The following CNKSR3 variants were observed in gnomAD, a reference collection of about 807,000 sequenced individuals.
The protein encoded by CNKSR3 is connector enhancer of kinase suppressor of ras 3.
Under a neutral mutation model 67.7 loss-of-function variants are expected in CNKSR3, and 36 were observed. The observed-to-expected ratio is 0.53, with a 90% confidence interval of 0.41 to 0.70. The LOEUF (loss-of-function observed/expected upper bound fraction) is 0.70, where lower values mean the gene tolerates loss of function less well. CNKSR3 is among the 30% of genes least tolerant of loss of function. The probability of loss-of-function intolerance (pLI) is 0.00; values close to 1 mark genes in which losing one functional copy is unlikely to be tolerated. For missense variants in CNKSR3, 630 were observed against 695.2 expected (o/e 0.91, Z 1.05); for synonymous variants, 281 against 271.4 (o/e 1.04, Z -0.35).
intron 1 of CNKSR3, among the ~76,000 whole-genome samples, chr6:154,506,936 G>A (rs73790806): frequency 1.1e-3 from 175 of 152,308 alleles, no homozygotes; most frequent in African/African-American, 4.0e-3. Flanking sequence ...AAAGATTGTC[G>A]GTGTGGTCTA....
intron 1 of CNKSR3, among the ~76,000 whole-genome samples, chr6:154,470,307 C>G (rs1337787855): frequency 2.1e-5 from 3 of 144,184 alleles, no homozygotes; most frequent in Non-Finnish European, 4.5e-5. Flanking sequence ...TTCAAGCAAT[C>G]CTCCCACCTT....
At chr6:154,456,223 G>C (rs1785951002) in intron 1 of CNKSR3, among the ~76,000 whole-genome samples, 1 of 152,146 alleles carries the variant, frequency 6.6e-6, no homozygotes, top group East Asian at 1.9e-4. Context: ...CAGGAGCCCA[G>C]AGTGGTTCTT....
Position 154,410,382 on chromosome 6 carries a change from C to T in CNKSR3, c.1330G>A (p.Val444Met), listed in dbSNP as rs1288917959. ...MPADGNWMGI[V>M]DPFARPRGHG... is the part of the protein sequence containing the mutation. ...CCTCGAGGTCTGGCAAAAGGGTCCA[C>T]AATCCCCATCCAGTTCCCATCAGCA... Residue 444 changes from valine (V) to methionine (M), a missense_variant, in exon 12 of 13, where the codon GTG (valine) becomes ATG (methionine). Coordinates refer to ENST00000607772, the MANE Select transcript of CNKSR3 (RefSeq NM_173515.4). 4 of 1,614,166 alleles carry T rather than the reference C, an allele frequency of 2.5e-6. No individual in the cohort carries two copies. Among genetic ancestry groups the T allele is most frequent in the Non-Finnish European group, 2.5e-6 (3 of 1,180,024 alleles).
At chr6:154,419,895 T>A in intron 9 of CNKSR3, among the ~76,000 whole-genome samples, 1 of 151,708 alleles carries the variant, frequency 6.6e-6, no homozygotes, top group East Asian at 1.9e-4. Context: ...GACTGGCCAA[T>A]ATGGTGAAAC....
intron 1 of CNKSR3, among the ~76,000 whole-genome samples, chr6:154,462,061 T>C (rs1786091672): frequency 1.3e-5 from 2 of 152,218 alleles, no homozygotes; most frequent in South Asian, 4.1e-4. Flanking sequence ...TCTAAAATGT[T>C]TTAATAGCAG....
intron 10 of CNKSR3, among the ~76,000 whole-genome samples, chr6:154,412,896 T>C (rs1784938353): frequency 6.6e-6 from 1 of 152,252 alleles, no homozygotes; most frequent in East Asian, 1.9e-4. Flanking sequence ...GGCAGTTCTG[T>C]AGGGTCAAAG....
chr6:154,488,956 G>A (rs1413466350), intron 1 of CNKSR3, among the ~76,000 whole-genome samples: 12 of 152,172 alleles, frequency 7.9e-5, no homozygotes, highest in Non-Finnish European at 1.6e-4. Context: ...GGAATGATGC[G>A]ACAACCTCAA....
At chr6:154,464,058 G>A (rs1367274865) in intron 1 of CNKSR3, among the ~76,000 whole-genome samples, 2 of 152,198 alleles carry the variant, frequency 1.3e-5, no homozygotes, top group Non-Finnish European at 2.9e-5. Context: ...TGTTTCTGAG[G>A]TTAATACATG....
Position 154,392,604 on chromosome 6 carries a change from T to G in CNKSR3, c.*13750A>C, listed in dbSNP as rs906447301. On this transcript the variant is annotated 3_prime_UTR_variant, in exon 13 of 13. Transcript: ENST00000607772. ...CTTGTGGGGATTGTAAGCTCTATGA[T>G]GAAGGAGGCACCAGCCTCTCTATTG... 2.6e-5 allele frequency: 4 copies of G among 152,250 alleles called. No individual in the cohort carries two copies. The highest frequency in any genetic ancestry group is 2.6e-4 in the Admixed American group (4 of 15,286). The allele number at this position is 152,250 out of a possible 1,614,324, so 9.4% of individuals were successfully genotyped here.
At chr6:154,451,259 C>A (rs1182865266) in intron 1 of CNKSR3, among the ~76,000 whole-genome samples, 1 of 152,160 alleles carries the variant, frequency 6.6e-6, no homozygotes, top group Non-Finnish European at 1.5e-5. Context: ...GTACAGAGAA[C>A]TTGTTTTAAT....
At position 154,422,917 on chromosome 6, in the gene CNKSR3, C is replaced by T; in HGVS notation, c.796G>A (p.Val266Met). ...DEVIQVNQQT[V>M]VGWQLKNLVK... is the part of the protein sequence containing the mutation. ...TGAGCCTCAATAAACAAACTCACCA[C>T]AGTTTGCTGATTAACTTGAATGACT... Residue 266 changes from valine to methionine, a missense_variant and splice_region_variant, in exon 8 of 13, where the codon GTG becomes ATG. By Grantham distance (21) the Val-to-Met change is conservative. This residue lies in a region of CNKSR3 where 133 missense variants were observed against 190.6 expected (regional missense o/e 0.70). Coordinates refer to ENST00000607772, the MANE Select transcript of CNKSR3 (RefSeq NM_173515.4). 6.2e-7 allele frequency: 1 copy of T among 1,607,208 alleles called. No homozygotes were observed. The highest frequency in any genetic ancestry group is 8.5e-7 in the Non-Finnish European group (1 of 1,174,428).
chr6:154,420,225 T>TAA (rs35213451), intron 9 of CNKSR3, among the ~76,000 whole-genome samples: 2 of 145,290 alleles, frequency 1.4e-5, no homozygotes. Flanking sequence ...ATGTGGAATC[T>TAA]AAAAAAAAAA....
chr6:154,456,759 C>T (rs1785969247), intron 1 of CNKSR3, among the ~76,000 whole-genome samples: 1 of 147,430 alleles, frequency 6.8e-6, no homozygotes, highest in South Asian at 2.2e-4. Flanking sequence ...CAAAAATTTG[C>T]TCCAACAGGA....
chr6:154,431,514 T>A (rs1785369071), intron 5 of CNKSR3, among the ~76,000 whole-genome samples: 1 of 150,388 alleles, frequency 6.6e-6, no homozygotes, highest in African/African-American at 2.4e-5. Flanking sequence ...TCAACTAACA[T>A]CTATAATTTA....
chr6:154,509,228 C>T (rs1408476137), intron 1 of CNKSR3, among the ~76,000 whole-genome samples: 1 of 151,996 alleles, frequency 6.6e-6, no homozygotes, highest in Non-Finnish European at 1.5e-5. Context: ...GTACCTTTCC[C>T]TCGAAATCGT....
chr6:154,421,140 A>G (rs1464013351), intron 9 of CNKSR3, among the ~76,000 whole-genome samples: 2 of 152,166 alleles, frequency 1.3e-5, no homozygotes, highest in South Asian at 2.1e-4. Flanking sequence ...CAGCCTCCTG[A>G]GTAGCTGGGA....
At chr6:154,492,993 T>C (rs1786811527) in intron 1 of CNKSR3, among the ~76,000 whole-genome samples, 1 of 151,868 alleles carries the variant, frequency 6.6e-6, no homozygotes, top group African/African-American at 2.4e-5. Flanking sequence ...AGTTCCCTGA[T>C]CCCACCCTTG....
chr6:154,431,868 C>G (rs1451310066), intron 5 of CNKSR3, among the ~76,000 whole-genome samples: 1 of 151,994 alleles, frequency 6.6e-6, no homozygotes, highest in African/African-American at 2.4e-5. Context: ...GAATAATATT[C>G]TATTTTATAG....
chr6:154,418,921 C>G (rs1785076915), intron 9 of CNKSR3, among the ~76,000 whole-genome samples: 1 of 147,800 alleles, frequency 6.8e-6, no homozygotes, highest in Non-Finnish European at 1.5e-5. Flanking sequence ...GGGTTAATAC[C>G]CAAAGTATAT....
Sources: allele counts gnomAD v4.1 joint callset (sites outside exome capture counted in the v4.1 genomes callset), GRCh38; gene constraint gnomAD v4.1.1; regional missense constraint gnomAD v4.1.1; transcripts MANE v1.5; gene names NCBI Gene and HGNC (gene_info 2026-07-23, HGNC 2026-07-21).